CRMP1: variants seen among roughly 807,000 people sequenced by gnomAD.
CRMP1 encodes the protein collapsin response mediator protein 1, also known as dihydropyrimidinase-related protein 1.
CRMP1 carries 19 observed loss-of-function variants against 68.3 expected under a neutral mutation model. That is an observed-to-expected ratio of 0.28 (90% CI 0.19 to 0.41). CRMP1 has a LOEUF of 0.41. Among genes scored for constraint, CRMP1 ranks in the 10% least tolerant of loss-of-function variants. The pLI is 1.00. For missense variants in CRMP1, 791 were observed against 967.4 expected (o/e 0.82, Z 2.42); for synonymous variants, 439 against 399.6 (o/e 1.10, Z -1.18).
intron 1 of CRMP1, among the ~76,000 whole-genome samples, chr4:5,886,035 A>G (rs1410701648): frequency 1.3e-5 from 2 of 152,232 alleles, no homozygotes; most frequent in Non-Finnish European, 2.9e-5. Context: ...ACTCAGGAAG[A>G]TGAAAGGTCC....
chr4:5,822,293 T>C (rs71599856), intron 13 of CRMP1, among the ~76,000 whole-genome samples: 12,093 of 152,250 alleles, frequency 0.079, 667 homozygotes, highest in Non-Finnish European at 0.12. Flanking sequence ...GACACAGGTG[T>C]TGGGTGGGGA....
rs1013000928 is a variant in CRMP1 at position 5,866,426 on chromosome 4, T to C, written c.470+242A>G. 6.6e-5 allele frequency among the ~76,000 whole-genome samples: 10 copies of C among 152,292 alleles called. No homozygotes were observed. Among genetic ancestry groups the C allele is most frequent in the South Asian group, 2.1e-4 (1 of 4,830 alleles). On this transcript the variant is annotated intron_variant, in intron 2 of 13. Transcript: ENST00000324989. The surrounding 1 kb of genome is among the most constrained non-coding windows in gnomAD (Gnocchi z 5.9). ...GCATTTTGCAGCCTTTGTGTGAGCATTGCAAGAGAGGAGCTGCCTCAGCCG... is the reference window on the plus strand; with the variant it reads ...GCATTTTGCAGCCTTTGTGTGAGCACTGCAAGAGAGGAGCTGCCTCAGCCG...
intron 1 of CRMP1, among the ~76,000 whole-genome samples, chr4:5,886,948 G>A (rs895159103): frequency 8.5e-5 from 13 of 152,314 alleles, no homozygotes; most frequent in Middle Eastern, 3.4e-3. Flanking sequence ...CTTGGCAGAG[G>A]CCTGCTGACA....
At chr4:5,835,678 CAGAG>C (rs959876081) in intron 11 of CRMP1, among the ~76,000 whole-genome samples, 14 of 151,956 alleles carry the variant, frequency 9.2e-5, no homozygotes, top group African/African-American at 2.2e-4. Flanking sequence ...AGCAAAGAGA[CAGAG>C]AGAGAGGAGA....
chr4:5,830,417 TCC>T (rs1415790415), intron 11 of CRMP1, among the ~76,000 whole-genome samples: 2 of 152,356 alleles, frequency 1.3e-5, no homozygotes, highest in East Asian at 3.9e-4. Context: ...CTTAGCAAGA[TCC>T]TTTCCCCTTC....
At chr4:5,869,582 G>A (rs1714288553) in intron 1 of CRMP1, among the ~76,000 whole-genome samples, 1 of 151,758 alleles carries the variant, frequency 6.6e-6, no homozygotes, top group South Asian at 2.1e-4. Context: ...TACTCAGGAG[G>A]CTGAGGCAGG....
At position 5,843,631 on chromosome 4, in the gene CRMP1, C is replaced by T. The variant is rs1711957283; in HGVS notation, c.964-470G>A. On this transcript the variant is annotated intron_variant, in intron 6 of 13. Transcript: ENST00000324989. The surrounding 1 kb of genome is among the most constrained non-coding windows in gnomAD (Gnocchi z 4.1). ...GAACAGCCGTCTCTGTGACTTTGGGCAGGTTGGTCAAGCTCTCTTGACCTC... is the reference window on the plus strand; with the variant it reads ...GAACAGCCGTCTCTGTGACTTTGGGTAGGTTGGTCAAGCTCTCTTGACCTC... Among the ~76,000 whole-genome samples, 1 of 152,190 alleles carries T rather than the reference C, an allele frequency of 6.6e-6. No homozygotes were observed. Among genetic ancestry groups the T allele is most frequent in the Non-Finnish European group, 1.5e-5 (1 of 68,030 alleles).
chr4:5,887,400 T>A (rs1427779436), intron 1 of CRMP1: 2 of 985,420 alleles, frequency 2.0e-6, no homozygotes, highest in Non-Finnish European at 2.4e-6. Flanking sequence ...TGGGCTCCAG[T>A]GGTCCGCATC....
Position 5,825,413 on chromosome 4 carries a change from T to C in CRMP1, c.1969+81A>G, listed in dbSNP as rs1260651900. The C allele has an allele frequency of 3.3e-6, 5 of 1,492,886 alleles. No individual in the cohort carries two copies. The highest frequency in any genetic ancestry group is 4.4e-6 in the Non-Finnish European group (5 of 1,128,558). The allele number at this position is 1,492,886 out of a possible 1,614,324, so 92.5% of individuals were successfully genotyped here. A position where few individuals can be genotyped will look rare whatever the true frequency, so the allele number is the denominator to read the frequency against. On this transcript the variant is annotated intron_variant, in intron 13 of 13. Coordinates refer to ENST00000324989, the MANE Select transcript of CRMP1 (RefSeq NM_001014809.3). The surrounding 1 kb of genome is among the most constrained non-coding windows in gnomAD (Gnocchi z 4.4). ...TTCATCTAGTGTCCAAGGCCACGTG[T>C]CCATTTCCTCAGAAGCAGCAGGAAG...
At chr4:5,868,324 C>T (rs1394215001) in intron 1 of CRMP1, among the ~76,000 whole-genome samples, 3 of 130,960 alleles carry the variant, frequency 2.3e-5, no homozygotes, top group Admixed American at 8.0e-5. Context: ...TTTTTTGAGA[C>T]GGAGTCTCAC....
At chr4:5,832,051 A>T (rs891801009) in intron 11 of CRMP1, among the ~76,000 whole-genome samples, 1 of 152,244 alleles carries the variant, frequency 6.6e-6, no homozygotes, top group African/African-American at 2.4e-5. Flanking sequence ...CAAAAATATG[A>T]TGCTAAGTAG....
At position 5,891,072 on chromosome 4, in the gene CRMP1, C is replaced by A. The variant is rs2152478031; in HGVS notation, c.381+1517G>T. ...TGGATCCCAAGAGAGGTCGGACCAC[C>A]AGGGAAGGTAGTGGACAGGGGGAGA... On this transcript the variant is annotated intron_variant, in intron 1 of 13. Transcript: ENST00000324989. The surrounding 1 kb of genome is among the most constrained non-coding windows in gnomAD (Gnocchi z 5.2). Among the ~76,000 whole-genome samples the A allele has an allele frequency of 6.6e-6, 1 of 151,938 alleles. No homozygotes were observed. Among genetic ancestry groups the A allele is most frequent in the African/African-American group, 2.4e-5 (1 of 41,422 alleles).
At chr4:5,880,113 A>G (rs1048138900) in intron 1 of CRMP1, among the ~76,000 whole-genome samples, 4 of 152,172 alleles carry the variant, frequency 2.6e-5, no homozygotes, top group African/African-American at 9.7e-5. Flanking sequence ...CCTTCCAACA[A>G]CAGAGCTGTA....
In CRMP1 at chr4:5,891,175, T is replaced by TATACAC. The variant is rs371021337; in HGVS notation, c.381+1413_381+1414insGTGTAT. ...TGATCACCCCACCACCACACACACA[T>TATACAC]ACACACACACACACACACACACACA... On this transcript the variant is annotated intron_variant, in intron 1 of 13. Transcript: ENST00000324989. This position sits in a 1 kb window ranked among gnomAD's most constrained non-coding sequence, Gnocchi z 5.2. Among the ~76,000 whole-genome samples the TATACAC allele has an allele frequency of 7.6e-6, 1 of 131,964 alleles. No individual in the cohort carries two copies. Among genetic ancestry groups the TATACAC allele is most frequent in the East Asian group, 2.3e-4 (1 of 4,322 alleles). The allele number at this position is 131,964 out of a possible 152,430, so 86.6% of individuals were successfully genotyped here. A position where few individuals can be genotyped will look rare whatever the true frequency, so the allele number is the denominator to read the frequency against.
intron 1 of CRMP1, among the ~76,000 whole-genome samples, chr4:5,878,652 A>T (rs543124173): frequency 6.6e-6 from 1 of 152,202 alleles, no homozygotes. Flanking sequence ...TGCAGAGGGC[A>T]GACTACCTAG....
chr4:5,879,983 A>G lies in CRMP1; in HGVS notation c.381+12606T>C, dbSNP rs1715124019. ...TGGTTTTGGAAAAGAGAAGGTCCTAAGTAATGGAGAAACATCTTCCAGTGC... is the reference window on the plus strand; with the variant it reads ...TGGTTTTGGAAAAGAGAAGGTCCTAGGTAATGGAGAAACATCTTCCAGTGC... On this transcript the variant is annotated intron_variant, in intron 1 of 13. Coordinates refer to ENST00000324989, the MANE Select transcript of CRMP1 (RefSeq NM_001014809.3). The surrounding 1 kb of genome is among the most constrained non-coding windows in gnomAD (Gnocchi z 4.2). Among the ~76,000 whole-genome samples the G allele has an allele frequency of 6.6e-6, 1 of 152,236 alleles. No homozygotes were observed. Among genetic ancestry groups the G allele is most frequent in the Non-Finnish European group, 1.5e-5 (1 of 68,046 alleles).
chr4:5,852,934 C>T (rs1712772635), intron 4 of CRMP1, among the ~76,000 whole-genome samples: 2 of 152,094 alleles, frequency 1.3e-5, no homozygotes, highest in Non-Finnish European at 2.9e-5. Flanking sequence ...ACTCACACAG[C>T]CCCAAGAGCC....
rs191703650 is a variant in CRMP1, at chr4:5,879,158, C to T, written c.382-12402G>A. Among the ~76,000 whole-genome samples the T allele has an allele frequency of 3.0e-3, 445 of 147,868 alleles. 2 individuals carry two copies. The highest frequency in any genetic ancestry group is 5.1e-3 in the Non-Finnish European group (340 of 66,116). On this transcript the variant is annotated intron_variant, in intron 1 of 13. Transcript: ENST00000324989. The surrounding 1 kb of genome is among the most constrained non-coding windows in gnomAD (Gnocchi z 4.2). ...TCCTAGGCTCTTCCCGGCCTGAGCCCGGCCCTCTCTCGGCCGCGCCCCACC... is the reference window on the plus strand; with the variant it reads ...TCCTAGGCTCTTCCCGGCCTGAGCCTGGCCCTCTCTCGGCCGCGCCCCACC...
chr4:5,867,699 T>A (rs572856328), intron 1 of CRMP1, among the ~76,000 whole-genome samples: 15 of 151,654 alleles, frequency 9.9e-5, no homozygotes, highest in African/African-American at 3.4e-4. Flanking sequence ...AGTCATGGGG[T>A]ATGTGGGGTT....
Sources: allele counts gnomAD v4.1 joint callset (sites outside exome capture counted in the v4.1 genomes callset), GRCh38; gene constraint gnomAD v4.1.1; non-coding constraint Gnocchi (gnomAD v3.1); transcripts MANE v1.5; gene names NCBI Gene and HGNC (gene_info 2026-07-23, HGNC 2026-07-21).